The following PROS1 variants were observed in gnomAD, a reference collection of about 807,000 sequenced individuals.
PROS1 encodes protein S.
Under a neutral mutation model 75.9 loss-of-function variants are expected in PROS1, and 29 were observed. That is an observed-to-expected ratio of 0.38 (90% CI 0.28 to 0.52). PROS1 has a LOEUF of 0.52. PROS1 is among the 20% of genes least tolerant of loss of function. The pLI is 0.83. For missense variants in PROS1, 680 were observed against 810.3 expected, an observed-to-expected ratio of 0.84 and a Z score of 1.95; for synonymous variants, 245 against 280.6, an observed-to-expected ratio of 0.87 and a Z score of 1.27.
intron 1 of PROS1, among the ~76,000 whole-genome samples, chr3:93,964,397 G>A (rs754515985): frequency 5.3e-5 from 8 of 152,204 alleles, no homozygotes; most frequent in South Asian, 2.1e-4. Flanking sequence ...CTGGGGGGCC[G>A]CTTATAAACG....
chr3:93,900,367 C>T (rs1708572779), intron 7 of PROS1, among the ~76,000 whole-genome samples: 2 of 152,218 alleles, frequency 1.3e-5, no homozygotes, highest in East Asian at 1.9e-4. Flanking sequence ...TATATATGCA[C>T]AGAAAAATCA....
chr3:93,889,278 T>G (rs945929758), intron 10 of PROS1, among the ~76,000 whole-genome samples: 5 of 152,182 alleles, frequency 3.3e-5, no homozygotes, highest in African/African-American at 4.8e-5. Context: ...TGTTTGCGTC[T>G]CACCATTAGA....
At chr3:93,884,983 A>C (rs1188092682) in intron 11 of PROS1, 87 bp from the exon 12 acceptor site, 18 of 1,168,228 alleles carry the variant, frequency 1.5e-5, no homozygotes, top group Non-Finnish European at 2.2e-5. Flanking sequence ...TAAGAGAAAA[A>C]AAATCCTTTC....
intron 1 of PROS1, among the ~76,000 whole-genome samples, chr3:93,939,784 G>A (rs184166916): frequency 1.5e-3 from 232 of 152,086 alleles, no homozygotes; most frequent in African/African-American, 5.0e-3. Context: ...TCAGAAAGCC[G>A]TCTTATTCTC....
At chr3:93,953,453 A>C (rs1444047252) in intron 1 of PROS1, among the ~76,000 whole-genome samples, 2 of 152,252 alleles carry the variant, frequency 1.3e-5, no homozygotes, top group Non-Finnish European at 2.9e-5. Flanking sequence ...GTAATCCAGC[A>C]TATAAACAGA....
chr3:93,909,990 C>A (rs763510190), intron 4 of PROS1, among the ~76,000 whole-genome samples: 6 of 152,074 alleles, frequency 3.9e-5, no homozygotes, highest in Non-Finnish European at 8.8e-5. Flanking sequence ...TGTGTAATTA[C>A]AAGCACTTTA....
At chr3:93,886,850 G>T (rs1426053488) in intron 10 of PROS1, among the ~76,000 whole-genome samples, 1 of 151,542 alleles carries the variant, frequency 6.6e-6, no homozygotes, top group Non-Finnish European at 1.5e-5. Flanking sequence ...AAAAATTTAA[G>T]TGGCCTTATT....
intron 1 of PROS1, among the ~76,000 whole-genome samples, chr3:93,947,636 G>A (rs1194574288): frequency 1.4e-4 from 21 of 151,888 alleles, no homozygotes; most frequent in Admixed American, 2.6e-4. Context: ...GCGTGATCTC[G>A]GCTCACTGCA....
intron 1 of PROS1, among the ~76,000 whole-genome samples, chr3:93,956,104 G>C (rs1709594312): frequency 6.6e-6 from 1 of 152,104 alleles, no homozygotes; most frequent in Non-Finnish European, 1.5e-5. Flanking sequence ...TGAAGATTCA[G>C]AAGCACTTAT....
intron 1 of PROS1, among the ~76,000 whole-genome samples, chr3:93,970,331 T>C (rs1709857516): frequency 1.3e-5 from 2 of 152,036 alleles, no homozygotes; most frequent in African/African-American, 2.4e-5. Context: ...GTAGACAGTA[T>C]CTATTTTATT....
At chr3:93,925,642 G>C (rs1416142199) in intron 2 of PROS1, among the ~76,000 whole-genome samples, 1 of 151,812 alleles carries the variant, frequency 6.6e-6, no homozygotes, top group African/African-American at 2.4e-5. Context: ...TGGGCAACAT[G>C]GCAAAACGCC....
chr3:93,896,673 G>C lies in PROS1; in HGVS notation c.868C>G (p.Pro290Ala). The C allele has an allele frequency of 1.2e-6, 2 of 1,613,138 alleles. No individual in the cohort carries two copies. Among genetic ancestry groups the C allele is most frequent in the Non-Finnish European group, 1.7e-6 (2 of 1,179,286 alleles). The change falls in exon 9 of 15, where the codon CCC (proline) becomes GCC (alanine). Residue 290 changes from proline (P) to alanine (A), a missense_variant. Transcript: ENST00000394236. Reference protein sequence around the residue: ...KSCEVVSVCLPLNLDTKYELL... With the variant: ...KSCEVVSVCLALNLDTKYELL... ...TCATACTTTGTGTCAAGGTTCAAGG[G>C]AAGGCACACTGAAACAACCTGGAAT...
At chr3:93,898,611 C>G in intron 7 of PROS1, 42 bp from the exon 8 acceptor site, 1 of 1,605,530 alleles carries the variant, frequency 6.2e-7, no homozygotes, top group Non-Finnish European at 8.5e-7. Context: ...TTAATATCCC[C>G]TAAATGTTCA....
chr3:93,893,971 T>G (rs1301723736), intron 9 of PROS1, among the ~76,000 whole-genome samples: 2 of 152,110 alleles, frequency 1.3e-5, no homozygotes, highest in African/African-American at 4.8e-5. Flanking sequence ...TCAGTATCCT[T>G]AAAACACTTC....
chr3:93,939,357 C>T (rs771604684), intron 1 of PROS1, among the ~76,000 whole-genome samples: 1 of 152,096 alleles, frequency 6.6e-6, no homozygotes, highest in East Asian at 1.9e-4. Flanking sequence ...TCAGTCCCAA[C>T]CCCAAGCGTC....
chr3:93,904,001 T>C (rs1375409709), intron 6 of PROS1, among the ~76,000 whole-genome samples: 6 of 134,918 alleles, frequency 4.4e-5, no homozygotes, highest in African/African-American at 1.7e-4. Context: ...GAGTGTGATA[T>C]TCCCCTTCCT....
intron 1 of PROS1, among the ~76,000 whole-genome samples, chr3:93,934,175 A>C (rs1709148318): frequency 6.6e-6 from 1 of 151,922 alleles, no homozygotes; most frequent in Non-Finnish European, 1.5e-5. Flanking sequence ...GCAAGACGCC[A>C]TCACATTAAA....
intron 1 of PROS1, among the ~76,000 whole-genome samples, chr3:93,945,262 T>C (rs1453109304): frequency 2.6e-5 from 4 of 152,250 alleles, no homozygotes; most frequent in South Asian, 2.1e-4. Context: ...TCTGAAACTA[T>C]TCCAATCAAT....
intron 3 of PROS1, among the ~76,000 whole-genome samples, chr3:93,921,308 G>A (rs566026640): frequency 6.6e-6 from 1 of 152,238 alleles, no homozygotes; most frequent in East Asian, 1.9e-4. Context: ...AAATCAAAAG[G>A]AATGCTATTT....
Sources: allele counts gnomAD v4.1 joint callset (sites outside exome capture counted in the v4.1 genomes callset), GRCh38; gene constraint gnomAD v4.1.1; transcripts MANE v1.5; gene names NCBI Gene and HGNC (gene_info 2026-07-23, HGNC 2026-07-21).